EIF2AK3: variants seen among roughly 807,000 people sequenced by gnomAD.
EIF2AK3 encodes eukaryotic translation initiation factor 2-alpha kinase 3.
Under a neutral mutation model 113.5 loss-of-function variants are expected in EIF2AK3, and 50 were observed. The observed-to-expected ratio is 0.44, with a 90% CI of 0.35 to 0.56. The LOEUF is 0.56. EIF2AK3 is among the 20% of genes least tolerant of loss of function. The probability of loss-of-function intolerance (pLI) is 0.00; values close to 1 mark genes in which losing one functional copy is unlikely to be tolerated. For synonymous variants in EIF2AK3, 448 were observed against 495.4 expected (o/e 0.90, Z 1.27); for missense variants, 1,185 against 1,378.0 (o/e 0.86, Z 2.22).
At chr2:88,606,213 G>A (rs1675268878) in intron 2 of EIF2AK3, among the ~76,000 whole-genome samples, 1 of 151,052 alleles carries the variant, frequency 6.6e-6, no homozygotes, top group African/African-American at 2.4e-5. Flanking sequence ...CATGATAAAA[G>A]AACACTGATT....
In EIF2AK3 at chr2:88,567,169, G is replaced by A. The variant is rs902879727; in HGVS notation, c.2985+3705C>T. On this transcript the variant is annotated intron_variant, in intron 14 of 16. Transcript: ENST00000303236. Reference sequence around the variant, plus strand: ...ATCAATAAATCTTCAAATAGCAACTGTATATAAAGCTTAGTATTTTTTTAC... The same window carrying A: ...ATCAATAAATCTTCAAATAGCAACTATATATAAAGCTTAGTATTTTTTTAC... 2.2e-4 allele frequency among the ~76,000 whole-genome samples: 33 copies of A among 151,536 alleles called. 2 individuals carry two copies. The highest frequency in any genetic ancestry group is 1.5e-3 in the Admixed American group (23 of 15,216).
In EIF2AK3 at chr2:88,559,045, T is replaced by TA; in HGVS notation, c.3088-67dup. 3.6e-6 allele frequency: 4 copies of TA among 1,120,068 alleles called. No homozygotes were observed. In the Middle Eastern group the frequency reaches 6.6e-4, roughly 185 times the overall value. The allele number at this position is 1,120,068 out of a possible 1,614,324, so 69.4% of individuals were successfully genotyped here. A position where few individuals can be genotyped will look rare whatever the true frequency, so the allele number is the denominator to read the frequency against. On this transcript the variant is annotated intron_variant, in intron 15 of 16. Transcript: ENST00000303236. ...CATACAACATGAAAATATTTTTTGA[T>TA]ACTCTAACAAAATGACTAAGAGGTT... is the stretch of plus-strand genomic sequence containing the variant.
chr2:88,622,396 T>G (rs2103983813), intron 1 of EIF2AK3, among the ~76,000 whole-genome samples: 1 of 152,278 alleles, frequency 6.6e-6, no homozygotes, highest in East Asian at 1.9e-4. Context: ...CAGGCAATGT[T>G]TAGGGAGTAA....
chr2:88,597,279 C>A (rs923341194), intron 2 of EIF2AK3, among the ~76,000 whole-genome samples: 1 of 152,176 alleles, frequency 6.6e-6, no homozygotes, highest in Non-Finnish European at 1.5e-5. Flanking sequence ...CAGTTCAAAT[C>A]CAGTTCAAAT....
intron 1 of EIF2AK3, among the ~76,000 whole-genome samples, chr2:88,616,692 G>T (rs1157417009): frequency 6.6e-6 from 1 of 152,114 alleles, no homozygotes; most frequent in African/African-American, 2.4e-5. Context: ...CTCCCAAAGT[G>T]CTGGGATTAC....
At chr2:88,610,813 T>C (rs752824513) in intron 2 of EIF2AK3, among the ~76,000 whole-genome samples, 8 of 152,136 alleles carry the variant, frequency 5.3e-5, no homozygotes, top group Non-Finnish European at 1.0e-4. Context: ...TCCCAGCACT[T>C]TGAGAGGCCA....
chr2:88,591,265 G>A (rs1447111406), intron 4 of EIF2AK3, among the ~76,000 whole-genome samples: 1 of 152,138 alleles, frequency 6.6e-6, no homozygotes, highest in Non-Finnish European at 1.5e-5. Flanking sequence ...GGTTTTGAGG[G>A]TTGTGGACTG....
chr2:88,594,711 A>G (rs1174758594), intron 3 of EIF2AK3, among the ~76,000 whole-genome samples: 1 of 151,966 alleles, frequency 6.6e-6, no homozygotes, highest in Non-Finnish European at 1.5e-5. Context: ...TAAAATGAGT[A>G]TAAACTTTCC....
chr2:88,563,010 C>T (rs1400055973), intron 14 of EIF2AK3, among the ~76,000 whole-genome samples: 1 of 152,184 alleles, frequency 6.6e-6, no homozygotes, highest in Non-Finnish European at 1.5e-5. Flanking sequence ...TCAATAAATA[C>T]TTAGTTGTTA....
chr2:88,592,276 G>T (rs1674906886), intron 4 of EIF2AK3, among the ~76,000 whole-genome samples: 1 of 151,998 alleles, frequency 6.6e-6, no homozygotes, highest in Admixed American at 6.6e-5. Flanking sequence ...AAGGTATTAG[G>T]CTAAATAAAT....
chr2:88,563,110 C>T (rs1337427669), intron 14 of EIF2AK3, among the ~76,000 whole-genome samples: 2 of 151,142 alleles, frequency 1.3e-5, no homozygotes, highest in Admixed American at 6.6e-5. Context: ...AGAAGAACCC[C>T]TTTATTTGTG....
At chr2:88,587,959 T>A in intron 8 of EIF2AK3, 23 bp downstream of exon 8, 1 of 1,485,724 alleles carries the variant, frequency 6.7e-7, no homozygotes, top group Non-Finnish European at 9.2e-7. Context: ...ATAAAATAAA[T>A]AAAACTCAGT....
chr2:88,618,628 T>A (rs184854805), intron 1 of EIF2AK3, among the ~76,000 whole-genome samples: 1 of 152,234 alleles, frequency 6.6e-6, no homozygotes, highest in Admixed American at 6.5e-5. Context: ...ATAAGACCAG[T>A]TGTGCAAACA....
At chr2:88,576,925 TAATAA>T (rs772973397) in intron 11 of EIF2AK3, among the ~76,000 whole-genome samples, 22 of 151,474 alleles carry the variant, frequency 1.5e-4, no homozygotes, top group Non-Finnish European at 7.4e-5. Context: ...AACAGAAAAA[TAATAA>T]AATAGGATCT....
intron 10 of EIF2AK3, chr2:88,579,860 AAAG>A: frequency 6.4e-6 from 3 of 467,436 alleles, no homozygotes; most frequent in Non-Finnish European, 1.2e-5. Flanking sequence ...TAAAAATAAA[AAAG>A]ACATGTTTAA....
intron 2 of EIF2AK3, among the ~76,000 whole-genome samples, chr2:88,598,988 T>C (rs1354713825): frequency 2.0e-5 from 3 of 151,768 alleles, no homozygotes; most frequent in Admixed American, 6.6e-5. Context: ...GGCAACCAGG[T>C]TGGGGTAGGT....
chr2:88,609,762 A>G (rs989910078), intron 2 of EIF2AK3, among the ~76,000 whole-genome samples: 23 of 152,220 alleles, frequency 1.5e-4, no homozygotes, highest in African/African-American at 4.6e-4. Flanking sequence ...TTCAAAGAAC[A>G]CATCTGACGG....
intron 12 of EIF2AK3, 148 bp downstream of exon 12, chr2:88,576,406 A>G: frequency 1.7e-6 from 2 of 1,167,704 alleles, no homozygotes; most frequent in African/African-American, 1.6e-5. Context: ...AAATTTCACA[A>G]GTGGCTAGAG....
rs2104429603 is a variant in EIF2AK3, at chr2:88,585,980, G to A, written c.1511C>T (p.Pro504Leu). ...TTTGCGGATATTCTTGTTGTAATGT[G>A]GGTTGTCGAGGAATCTGACTGTAAT... ...TQITVRFLDN[P>L]HYNKNIRKKD... Residue 504 changes from proline to leucine, a missense_variant, in exon 9 of 17, where the codon CCA (proline) becomes CTA (leucine). Pro to Leu is a moderately conservative substitution (Grantham distance 98). Transcript: ENST00000303236. 1 of 1,614,076 alleles carries A rather than the reference G, an allele frequency of 6.2e-7. No individual in the cohort carries two copies. The highest frequency in any genetic ancestry group is 1.1e-5 in the South Asian group (1 of 91,076).
Sources: gnomAD v4.1 joint callset for allele counts (sites outside exome capture counted in the v4.1 genomes callset) on GRCh38, gnomAD v4.1.1 for gene constraint, MANE v1.5 for transcripts, NCBI Gene and HGNC (gene_info 2026-07-23, HGNC 2026-07-21) for gene names.